ROBO1: variants seen among roughly 807,000 people sequenced by gnomAD.
The protein encoded by ROBO1 is roundabout guidance receptor 1.
A neutral mutation model predicts 195.9 loss-of-function variants in ROBO1; 149 were observed. The ratio of observed to expected loss-of-function variants is 0.76; its 90% CI spans 0.67 to 0.87. The LOEUF (loss-of-function observed/expected upper bound fraction) is 0.87, where lower values mean the gene tolerates loss of function less well. ROBO1 is among the 40% of genes least tolerant of loss of function. ROBO1 has a pLI of 0.00. For synonymous variants in ROBO1, 816 were observed against 733.2 expected, an observed-to-expected ratio of 1.11 and a Z score of -1.82; for missense variants, 1,933 against 2,068.3, an observed-to-expected ratio of 0.93 and a Z score of 1.27.
At chr3:78,896,852 G>C (rs1576362922) in intron 4 of ROBO1, among the ~76,000 whole-genome samples, 1 of 152,226 alleles carries the variant, frequency 6.6e-6, no homozygotes, top group African/African-American at 2.4e-5. Flanking sequence ...GGTGGGACAA[G>C]AAAGAGGAAT....
chr3:78,667,534 G>A (rs1203917378), intron 14 of ROBO1, among the ~76,000 whole-genome samples: 2 of 149,864 alleles, frequency 1.3e-5, no homozygotes, highest in East Asian at 1.9e-4. Context: ...TTTTGTACCC[G>A]TTAACCATCC....
chr3:78,654,451 T>C (rs1344444897), intron 18 of ROBO1, among the ~76,000 whole-genome samples: 1 of 152,208 alleles, frequency 6.6e-6, no homozygotes, highest in East Asian at 1.9e-4. Flanking sequence ...AAGCACTTCA[T>C]CCTCTTAAAG....
intron 2 of ROBO1, among the ~76,000 whole-genome samples, chr3:79,226,152 T>C (rs1410743038): frequency 6.6e-6 from 1 of 152,164 alleles, no homozygotes; most frequent in Non-Finnish European, 1.5e-5. Context: ...TGGGCATAGT[T>C]TTCCTGGCCC....
chr3:78,606,674 C>G (rs1366907112), intron 29 of ROBO1, 59 bp downstream of exon 29: 1 of 1,537,742 alleles, frequency 6.5e-7, no homozygotes. Context: ...TAGAGCCTAA[C>G]TGTATGCCTT....
chr3:79,591,709 GT>G, intron 1 of ROBO1, among the ~76,000 whole-genome samples: 1 of 151,780 alleles, frequency 6.6e-6, no homozygotes, highest in Non-Finnish European at 1.5e-5. Flanking sequence ...TCCATTCAAT[GT>G]TTTGGCTTAT....
intron 2 of ROBO1, among the ~76,000 whole-genome samples, chr3:79,286,362 A>G (rs1009709589): frequency 1.3e-5 from 2 of 152,172 alleles, no homozygotes; most frequent in Non-Finnish European, 2.9e-5. Flanking sequence ...TCTCCCAATA[A>G]CACCATCTTT....
At chr3:79,335,882 G>A (rs2034645320) in intron 2 of ROBO1, among the ~76,000 whole-genome samples, 1 of 152,208 alleles carries the variant, frequency 6.6e-6, no homozygotes, top group Admixed American at 6.5e-5. Context: ...AATGCTGATA[G>A]TGATATGGAC....
At chr3:79,593,489 C>T (rs1467151203) in intron 1 of ROBO1, among the ~76,000 whole-genome samples, 1 of 152,072 alleles carries the variant, frequency 6.6e-6, no homozygotes, top group Non-Finnish European at 1.5e-5. Context: ...TTTAAATTTA[C>T]ATGTCCTTGT....
intron 10 of ROBO1, among the ~76,000 whole-genome samples, chr3:78,680,886 G>A (rs9309812): frequency 0.72 from 105,340 of 145,370 alleles, 38,447 homozygotes; most frequent in Middle Eastern, 0.8. Flanking sequence ...ATGCACACGT[G>A]TGTTTATTGC....
intron 2 of ROBO1, among the ~76,000 whole-genome samples, chr3:79,481,625 A>T (rs1476431497): frequency 6.6e-6 from 1 of 152,058 alleles, no homozygotes; most frequent in Non-Finnish European, 1.5e-5. Context: ...TGAACTGGCC[A>T]CTCTGTGCTA....
intron 1 of ROBO1, among the ~76,000 whole-genome samples, chr3:79,730,045 T>A (rs1703081293): frequency 6.6e-6 from 1 of 152,222 alleles, no homozygotes; most frequent in Admixed American, 6.5e-5. Flanking sequence ...CATTCACCTG[T>A]GTATTATCCC....
intron 1 of ROBO1, among the ~76,000 whole-genome samples, chr3:79,759,869 T>C (rs932555654): frequency 2.0e-5 from 3 of 152,106 alleles, no homozygotes; most frequent in Admixed American, 2.0e-4. Flanking sequence ...GGAACACTTA[T>C]GAGTGGCAGT....
chr3:78,868,654 T>TA (rs1249059630), intron 4 of ROBO1, among the ~76,000 whole-genome samples: 1 of 152,054 alleles, frequency 6.6e-6, no homozygotes, highest in Non-Finnish European at 1.5e-5. Context: ...AATTTCAGGA[T>TA]AAAATAAACA....
intron 18 of ROBO1, among the ~76,000 whole-genome samples, chr3:78,654,285 CA>C (rs1189665521): frequency 6.6e-6 from 1 of 152,128 alleles, no homozygotes; most frequent in African/African-American, 2.4e-5. Flanking sequence ...TGTGGTTTTT[CA>C]GTTTGCTTTG....
At chr3:78,914,646 T>C (rs1200501809) in intron 4 of ROBO1, among the ~76,000 whole-genome samples, 1 of 149,508 alleles carries the variant, frequency 6.7e-6, no homozygotes, top group Non-Finnish European at 1.5e-5. Context: ...GCTTTGAAAA[T>C]AGTTGCTTTT....
intron 2 of ROBO1, among the ~76,000 whole-genome samples, chr3:79,471,482 ATCT>A (rs1163506584): frequency 6.6e-6 from 1 of 152,164 alleles, no homozygotes; most frequent in Non-Finnish European, 1.5e-5. Flanking sequence ...TAAAAAAGAT[ATCT>A]TTTTTCTCAC....
chr3:79,426,850 A>G (rs2038467608), intron 2 of ROBO1, among the ~76,000 whole-genome samples: 1 of 152,198 alleles, frequency 6.6e-6, no homozygotes, highest in Admixed American at 6.6e-5. Flanking sequence ...ACCATTTTTG[A>G]AATAATGAAA....
At chr3:78,911,569 G>A (rs762889680) in intron 4 of ROBO1, among the ~76,000 whole-genome samples, 10 of 152,120 alleles carry the variant, frequency 6.6e-5, no homozygotes, top group South Asian at 2.1e-4. Flanking sequence ...AATGTCCGTT[G>A]TGCTGTTGGA....
rs953042265 is a variant in ROBO1 at position 79,417,764 on chromosome 3, T to G, written c.88+172060A>C. 2.6e-5 allele frequency among the ~76,000 whole-genome samples: 4 copies of G among 152,276 alleles called. No individual in the cohort carries two copies. The South Asian group carries it at 6.2e-4, about 24-fold the overall frequency. ...TTATGGGGGACACCAATTTGCACAA[T>G]TGCATTCTAATCAATCCTATAGATT... On this transcript the variant is annotated intron_variant, in intron 2 of 30. Coordinates refer to ENST00000464233, the MANE Select transcript of ROBO1 (RefSeq NM_002941.4).
Sources: gnomAD v4.1 joint callset for allele counts (sites outside exome capture counted in the v4.1 genomes callset) on GRCh38, gnomAD v4.1.1 for gene constraint, MANE v1.5 for transcripts, NCBI Gene and HGNC (gene_info 2026-07-23, HGNC 2026-07-21) for gene names.